LDOC1: variants seen among roughly 807,000 people sequenced by gnomAD.
The protein encoded by LDOC1 is LDOC1 regulator of NFKB signaling, also known as protein LDOC1.
In LDOC1, 1 loss-of-function variant was observed where a neutral mutation model predicts 4.9. The ratio of observed to expected loss-of-function variants is 0.20; its 90% CI spans 0.07 to 0.96. The LOEUF (loss-of-function observed/expected upper bound fraction) is 0.96. Among genes scored for constraint, LDOC1 ranks in the 40% least tolerant of loss-of-function variants. The probability of loss-of-function intolerance (pLI) is 0.62; values close to 1 mark genes in which losing one functional copy is unlikely to be tolerated. For synonymous variants in LDOC1, 55 were observed against 58.3 expected (o/e 0.94, Z 0.26); for missense variants, 76 against 128.1 (o/e 0.59, Z 1.96).
At position 141,176,372 on chromosome X, in the gene LDOC1, GC is replaced by G. The variant is rs1228075526; in HGVS notation, c.*208del. 7.1e-5 allele frequency: 35 copies of G among 495,523 alleles called. No homozygotes were observed. The highest frequency in any genetic ancestry group is 9.5e-5 in the Non-Finnish European group (29 of 304,880). 40.8% of individuals were successfully genotyped at this position (495,523 alleles called of 1,213,427 possible). A position where few individuals can be genotyped will look rare whatever the true frequency, so the allele number is the denominator to read the frequency against. ...GCACTTCCGAGTGAGTGAGGCTCCA[GC>G]CCCGACCCCAGCAGCAGGTAACTGG... On this transcript the variant is annotated 3_prime_UTR_variant, in exon 1 of 1. Coordinates refer to ENST00000370526, the MANE Select transcript of LDOC1 (RefSeq NM_012317.4).
At position 141,175,646 on chromosome X, in the gene LDOC1, CTAG is replaced by C. The variant is rs1486975119; in HGVS notation, c.*932_*934del. 1 of 111,708 alleles carries C rather than the reference CTAG, an allele frequency of 9.0e-6. No homozygotes were observed. Among genetic ancestry groups the C allele is most frequent in the Non-Finnish European group, 1.9e-5 (1 of 53,148 alleles). The allele number at this position is 111,708 out of a possible 1,213,427, so 9.2% of individuals were successfully genotyped here. ...AGCCTGGAGATGACAGCGGGGAATA[CTAG>C]GATTGGTTGTATTCCCTGATTTCCA... On this transcript the variant is annotated 3_prime_UTR_variant, in exon 1 of 1. Transcript: ENST00000370526.
At position 141,176,968 on chromosome X, in the gene LDOC1, G is replaced by C. The variant is rs369079536; in HGVS notation, c.54C>G (p.Ala18=). 2.5e-5 allele frequency: 30 copies of C among 1,208,744 alleles called. No homozygotes were observed. In the African/African-American group the frequency reaches 3.1e-4, roughly 13 times the overall value. The change falls in exon 1 of 1, where the codon GCC becomes GCG. Residue 18 remains alanine, a synonymous_variant. Coordinates refer to ENST00000370526, the MANE Select transcript of LDOC1 (RefSeq NM_012317.4). ...LLHALLMRHR[A]LSIENSQLME... ...TGAGCTGGCTGTTCTCGATGCTCAG[G>C]GCGCGGTGCCGCATCAGGAGCGCGT...
rs1247880556 is a variant in LDOC1 at position 141,174,116 on chromosome X, A to C, written c.*2465T>G. 8.9e-6 allele frequency among the ~76,000 whole-genome samples: 1 copy of C among 112,228 alleles called. No homozygotes were observed. The highest frequency in any genetic ancestry group is 1.9e-5 in the Non-Finnish European group (1 of 53,276). ...ATTCAAGGCCTTTCTAGTTAGGAAG[A>C]AAGTGTAATTATCTGGCCTCACACA... On this transcript the variant is annotated 3_prime_UTR_variant, in exon 1 of 1. Coordinates refer to ENST00000370526, the MANE Select transcript of LDOC1 (RefSeq NM_012317.4).
rs2013616787 is a variant in LDOC1 at position 141,176,507 on chromosome X, T to C, written c.*74A>G. On this transcript the variant is annotated 3_prime_UTR_variant, in exon 1 of 1. Transcript: ENST00000370526. ...GGGCAAGGGGGAGAGCAGTGGCTCC[T>C]GGCGGGGTGAGGGCTGCGGGGAGGG... 8.9e-7 allele frequency: 1 copy of C among 1,126,694 alleles called. No homozygotes were observed. Among genetic ancestry groups the C allele is most frequent in the South Asian group, 2.1e-5 (1 of 47,624 alleles). The allele number at this position is 1,126,694 out of a possible 1,213,427, so 92.9% of individuals were successfully genotyped here.
chrX:141,173,789 C>G lies in LDOC1; in HGVS notation c.*2792G>C. On this transcript the variant is annotated 3_prime_UTR_variant, in exon 1 of 1. Transcript: ENST00000370526. ...GCATCCTTACTGAACCTCCCTTCCT[C>G]CACAGAACACCTACTCATATGTCCT... 8.9e-6 allele frequency among the ~76,000 whole-genome samples: 1 copy of G among 111,962 alleles called. No individual in the cohort carries two copies.
Position 141,175,166 on chromosome X carries a change from T to C in LDOC1, c.*1415A>G, listed in dbSNP as rs1226989794. Among the ~76,000 whole-genome samples the C allele has an allele frequency of 1.8e-5, 2 of 112,124 alleles. No homozygotes were observed. The highest frequency in any genetic ancestry group is 3.8e-5 in the Non-Finnish European group (2 of 53,280). On this transcript the variant is annotated 3_prime_UTR_variant, in exon 1 of 1. Transcript: ENST00000370526. ...TCTATGAGTGGGAATTCTAAGGATG[T>C]CTGTCCAAGGAGAACGAAATGTTTG...
rs1556283182 is a variant in LDOC1, at chrX:141,175,917, C to A, written c.*664G>T. The A allele has an allele frequency of 8.8e-6, 1 of 113,122 alleles. No homozygotes were observed. The highest frequency in any genetic ancestry group is 9.4e-5 in the Admixed American group (1 of 10,682). 9.3% of individuals were successfully genotyped at this position (113,122 alleles called of 1,213,427 possible). On this transcript the variant is annotated 3_prime_UTR_variant, in exon 1 of 1. Transcript: ENST00000370526. ...AAAGAAAAATGACAGCTGTGTAAAA[C>A]CAGTGCATAGGAAAAAAGAAGTGTC... is the stretch of plus-strand genomic sequence containing the variant.
rs782745113 is a variant in LDOC1, at chrX:141,177,107, G to C, written c.-86C>G. The C allele has an allele frequency of 1.6e-5, 11 of 705,872 alleles. No individual in the cohort carries two copies. In the South Asian group the frequency reaches 2.4e-4, roughly 15 times the overall value. The allele number at this position is 705,872 out of a possible 1,213,427, so 58.2% of individuals were successfully genotyped here. On this transcript the variant is annotated 5_prime_UTR_variant, in exon 1 of 1. Transcript: ENST00000370526. ...GCCCTCGCAGGAAGTGCGTGTCCAC[G>C]GAGGCGCTTGGTGGCCAGGGGCGGG...
Position 141,175,935 on chromosome X carries a change from GA to G in LDOC1, c.*645del, listed in dbSNP as rs2013610009. 1 of 113,849 alleles carries G rather than the reference GA, an allele frequency of 8.8e-6. No individual in the cohort carries two copies. The highest frequency in any genetic ancestry group is 3.2e-5 in the African/African-American group (1 of 30,902). 9.4% of individuals were successfully genotyped at this position (113,849 alleles called of 1,213,427 possible). A position where few individuals can be genotyped will look rare whatever the true frequency, so the allele number is the denominator to read the frequency against. On this transcript the variant is annotated 3_prime_UTR_variant, in exon 1 of 1. Transcript: ENST00000370526. ...TGTAAAACCAGTGCATAGGAAAAAA[GA>G]AGTGTCAACAATTTGGCTGCCAGGC...
rs782098714 is a variant in LDOC1 at position 141,176,549 on chromosome X, G to A, written c.*32C>T. 42 of 1,171,445 alleles carry A rather than the reference G, an allele frequency of 3.6e-5. No homozygotes were observed. Among genetic ancestry groups the A allele is most frequent in the Non-Finnish European group, 3.9e-5 (34 of 874,469 alleles). On this transcript the variant is annotated 3_prime_UTR_variant, in exon 1 of 1. Transcript: ENST00000370526. ...CGGGGAGGGGGTGGCGGCGTGCAGG[G>A]CCCTCCCCCCCGAGGCCCGAGGGTC...
chrX:141,175,934 A>C lies in LDOC1; in HGVS notation c.*647T>G, dbSNP rs782344826. ...GTGTAAAACCAGTGCATAGGAAAAA[A>C]GAAGTGTCAACAATTTGGCTGCCAG... On this transcript the variant is annotated 3_prime_UTR_variant, in exon 1 of 1. Transcript: ENST00000370526. 8.8e-6 allele frequency: 1 copy of C among 113,840 alleles called. No homozygotes were observed. The highest frequency in any genetic ancestry group is 1.8e-5 in the Non-Finnish European group (1 of 54,204). 9.4% of individuals were successfully genotyped at this position (113,840 alleles called of 1,213,427 possible). A position where few individuals can be genotyped will look rare whatever the true frequency, so the allele number is the denominator to read the frequency against.
At position 141,176,244 on chromosome X, in the gene LDOC1, C is replaced by G; in HGVS notation, c.*337G>C. The G allele has an allele frequency of 3.3e-6, 1 of 299,981 alleles. No homozygotes were observed. Among genetic ancestry groups the G allele is most frequent in the Non-Finnish European group, 5.9e-6 (1 of 168,605 alleles). The allele number at this position is 299,981 out of a possible 1,213,427, so 24.7% of individuals were successfully genotyped here. On this transcript the variant is annotated 3_prime_UTR_variant, in exon 1 of 1. Coordinates refer to ENST00000370526, the MANE Select transcript of LDOC1 (RefSeq NM_012317.4). ...CAGCAGCAGGGCTACGGGTGGTCTG[C>G]GCAGTTTGTAACAGGGGCCTGGCCA...
rs1187396903 is a variant in LDOC1 at position 141,177,110 on chromosome X, G to A, written c.-89C>T. 9 of 602,569 alleles carry A rather than the reference G, an allele frequency of 1.5e-5. No individual in the cohort carries two copies. The East Asian group carries it at 1.9e-4, about 13-fold the overall frequency. The allele number at this position is 602,569 out of a possible 1,213,427, so 49.7% of individuals were successfully genotyped here. ...CTCGCAGGAAGTGCGTGTCCACGGA[G>A]GCGCTTGGTGGCCAGGGGCGGGGGG... is the stretch of plus-strand genomic sequence containing the variant. On this transcript the variant is annotated 5_prime_UTR_variant, in exon 1 of 1. Transcript: ENST00000370526.
Position 141,177,124 on chromosome X carries a change from A to T in LDOC1, c.-103T>A. Reference sequence around the variant, plus strand: ...GTGTCCACGGAGGCGCTTGGTGGCCAGGGGCGGGGGGCGGGGGGCGGTGTG... The same window carrying T: ...GTGTCCACGGAGGCGCTTGGTGGCCTGGGGCGGGGGGCGGGGGGCGGTGTG... On this transcript the variant is annotated 5_prime_UTR_variant, in exon 1 of 1. Transcript: ENST00000370526. 2 of 127,330 alleles carry T rather than the reference A, an allele frequency of 1.6e-5. No homozygotes were observed. The highest frequency in any genetic ancestry group is 2.6e-5 in the Non-Finnish European group (2 of 75,676). 10.5% of individuals were successfully genotyped at this position (127,330 alleles called of 1,213,427 possible).
chrX:141,176,461 C>A lies in LDOC1; in HGVS notation c.*120G>T, dbSNP rs1205049314. 1.9e-5 allele frequency: 17 copies of A among 875,806 alleles called. No individual in the cohort carries two copies. The East Asian group carries it at 5.8e-4, about 30-fold the overall frequency. The allele number at this position is 875,806 out of a possible 1,213,427, so 72.2% of individuals were successfully genotyped here. A position where few individuals can be genotyped will look rare whatever the true frequency, so the allele number is the denominator to read the frequency against. On this transcript the variant is annotated 3_prime_UTR_variant, in exon 1 of 1. Coordinates refer to ENST00000370526, the MANE Select transcript of LDOC1 (RefSeq NM_012317.4). ...AATGAAGAGAGAGAGCAGACGGGCG[C>A]GGGTAGGTAAGGGGACCGGAGGGCA...
rs1475931083 is a variant in LDOC1, at chrX:141,176,526, G to T, written c.*55C>A. 1.7e-6 allele frequency: 2 copies of T among 1,148,876 alleles called. No individual in the cohort carries two copies. Among genetic ancestry groups the T allele is most frequent in the African/African-American group, 1.8e-5 (1 of 55,517 alleles). 94.7% of individuals were successfully genotyped at this position (1,148,876 alleles called of 1,213,427 possible). A position where few individuals can be genotyped will look rare whatever the true frequency, so the allele number is the denominator to read the frequency against. ...GGCTCCTGGCGGGGTGAGGGCTGCGGGGAGGGGGTGGCGGCGTGCAGGGCC... is the reference window on the plus strand; with the variant it reads ...GGCTCCTGGCGGGGTGAGGGCTGCGTGGAGGGGGTGGCGGCGTGCAGGGCC... On this transcript the variant is annotated 3_prime_UTR_variant, in exon 1 of 1. Transcript: ENST00000370526.
rs1323975229 is a variant in LDOC1, at chrX:141,175,380, G to A, written c.*1201C>T. 8.9e-6 allele frequency among the ~76,000 whole-genome samples: 1 copy of A among 112,100 alleles called. No homozygotes were observed. Among genetic ancestry groups the A allele is most frequent in the Non-Finnish European group, 1.9e-5 (1 of 53,222 alleles). ...AGGATTAAGGGGCAGAACTTCCCTG[G>A]CACAGTGTTAAGGAATCCAAAAGCT... On this transcript the variant is annotated 3_prime_UTR_variant, in exon 1 of 1. Coordinates refer to ENST00000370526, the MANE Select transcript of LDOC1 (RefSeq NM_012317.4).
In LDOC1 at chrX:141,176,482, G is replaced by A; in HGVS notation, c.*99C>T. On this transcript the variant is annotated 3_prime_UTR_variant, in exon 1 of 1. Coordinates refer to ENST00000370526, the MANE Select transcript of LDOC1 (RefSeq NM_012317.4). ...GGCGCGGGTAGGTAAGGGGACCGGA[G>A]GGCAAGGGGGAGAGCAGTGGCTCCT... 9.4e-7 allele frequency: 1 copy of A among 1,062,543 alleles called. No homozygotes were observed. The highest frequency in any genetic ancestry group is 3.3e-5 in the East Asian group (1 of 30,327). The allele number at this position is 1,062,543 out of a possible 1,213,427, so 87.6% of individuals were successfully genotyped here.
At position 141,173,397 on chromosome X, in the gene LDOC1, T is replaced by A. The variant is rs2013588993; in HGVS notation, c.*3184A>T. On this transcript the variant is annotated 3_prime_UTR_variant, in exon 1 of 1. Transcript: ENST00000370526. Reference sequence around the variant, plus strand: ...ATTCAGCATTCCTACCTATTTTTAATAGTTTTGATCAAAGTGGCACTTTTA... The same window carrying A: ...ATTCAGCATTCCTACCTATTTTTAAAAGTTTTGATCAAAGTGGCACTTTTA... 8.9e-6 allele frequency: 1 copy of A among 111,942 alleles called. No individual in the cohort carries two copies. Among genetic ancestry groups the A allele is most frequent in the African/African-American group, 3.2e-5 (1 of 30,810 alleles). The allele number at this position is 111,942 out of a possible 1,213,427, so 9.2% of individuals were successfully genotyped here.
Sources: gnomAD v4.1 joint callset for allele counts (sites outside exome capture counted in the v4.1 genomes callset) on GRCh38, gnomAD v4.1.1 for gene constraint, MANE v1.5 for transcripts, NCBI Gene and HGNC (gene_info 2026-07-23, HGNC 2026-07-21) for gene names.